Variants in PJA2 observed in about 807,000 individuals in gnomAD.
PJA2 encodes the protein praja ring finger ubiquitin ligase 2.
In PJA2, 25 loss-of-function variants were observed where a neutral mutation model predicts 69.3. The ratio of observed to expected loss-of-function variants is 0.36; its 90% CI spans 0.26 to 0.50. The LOEUF (loss-of-function observed/expected upper bound fraction) is 0.50, where lower values mean the gene tolerates loss of function less well. Among genes scored for constraint, PJA2 ranks in the 20% least tolerant of loss-of-function variants. PJA2 has a pLI of 0.96. For missense variants in PJA2, 809 were observed against 830.2 expected (o/e 0.97, Z 0.31); for synonymous variants, 308 against 277.8 (o/e 1.11, Z -1.08).
intron 1 of PJA2, among the ~76,000 whole-genome samples, chr5:109,404,895 G>A (rs1187840745): frequency 6.6e-6 from 1 of 152,198 alleles, no homozygotes; most frequent in Non-Finnish European, 1.5e-5. Context: ...AACAGAGAAG[G>A]ATATCTGCTT....
rs199909213 is a variant in PJA2, at chr5:109,379,221, A to G, written c.266T>C (p.Leu89Ser). 1.6e-5 allele frequency: 25 copies of G among 1,612,750 alleles called. No individual in the cohort carries two copies. In the East Asian group the frequency reaches 5.1e-4, roughly 33 times the overall value. The change falls in exon 4 of 10, where the codon TTA (leucine) becomes TCA (serine). Residue 89 changes from leucine to serine, a missense_variant. By Grantham distance (145) the Leu-to-Ser change is moderately radical. Transcript: ENST00000361189. ...SSPLDQVDSSLPSEPIFEKSE... is the reference protein window; with the variant it reads ...SSPLDQVDSSSPSEPIFEKSE... ...TTTTTCAAATATAGGTTCACTGGGT[A>G]AAGAAGAATCAACTTGATCCAAAGG...
At chr5:109,385,336 C>G (rs1211796105) in intron 1 of PJA2, among the ~76,000 whole-genome samples, 1 of 151,994 alleles carries the variant, frequency 6.6e-6, no homozygotes, top group African/African-American at 2.4e-5. Flanking sequence ...TAAGAAATGA[C>G]CAGATTCTGG....
At chr5:109,381,763 G>A (rs997826649) in intron 2 of PJA2, 60 bp from the exon 3 acceptor site, 17 of 1,452,166 alleles carry the variant, frequency 1.2e-5, no homozygotes, top group Non-Finnish European at 1.6e-5. Context: ...CTTGCAACCT[G>A]TTGGGGAAAA....
chr5:109,343,821 C>A (rs144788782), intron 9 of PJA2, among the ~76,000 whole-genome samples: 99 of 152,276 alleles, frequency 6.5e-4, no homozygotes, highest in African/African-American at 1.9e-3. Flanking sequence ...ATTGGCTGGG[C>A]GTGGTGGCTC....
chr5:109,355,795 G>C, intron 7 of PJA2, 120 bp downstream of exon 7: 1 of 626,352 alleles, frequency 1.6e-6, no homozygotes, highest in African/African-American at 1.8e-5. Flanking sequence ...TTCAATAACT[G>C]TTACTAAACT....
At chr5:109,377,254 T>C (rs534621875) in intron 4 of PJA2, among the ~76,000 whole-genome samples, 1 of 152,276 alleles carries the variant, frequency 6.6e-6, no homozygotes, top group South Asian at 2.1e-4. Context: ...ATGGTAAATT[T>C]CTTCCTTTAT....
intron 7 of PJA2, 41 bp from the exon 8 acceptor site, chr5:109,344,860 A>G: frequency 1.5e-6 from 2 of 1,317,196 alleles, no homozygotes; most frequent in Non-Finnish European, 1.1e-6. Context: ...GAAATACTTT[A>G]AAACAGTAAC....
At chr5:109,395,993 T>C in intron 1 of PJA2, among the ~76,000 whole-genome samples, 1 of 125,206 alleles carries the variant, frequency 8.0e-6, no homozygotes, top group Non-Finnish European at 1.7e-5. Flanking sequence ...AGAGCGAAAC[T>C]CTATCTCAAA....
rs761377296 is a variant in PJA2 at position 109,378,194 on chromosome 5, G to A, written c.1283+10C>T. On this transcript the variant is annotated intron_variant, in intron 4 of 9. Coordinates refer to ENST00000361189, the MANE Select transcript of PJA2 (RefSeq NM_014819.5). Reference sequence around the variant, plus strand: ...TACACAATCGGAAAAAGTACTGGATGTGACCTTACCTATCTTCATCTTTGT... The same window carrying A: ...TACACAATCGGAAAAAGTACTGGATATGACCTTACCTATCTTCATCTTTGT... 8 of 1,593,500 alleles carry A rather than the reference G, an allele frequency of 5.0e-6. No individual in the cohort carries two copies. Among genetic ancestry groups the A allele is most frequent in the East Asian group, 2.2e-5 (1 of 44,832 alleles).
chr5:109,365,300 A>G (rs781176875), intron 5 of PJA2, among the ~76,000 whole-genome samples: 1 of 152,238 alleles, frequency 6.6e-6, no homozygotes, highest in Non-Finnish European at 1.5e-5. Context: ...TAAGCAAAAC[A>G]AGGTAGAACT....
At chr5:109,363,111 C>G (rs1306253791) in intron 5 of PJA2, 89 bp from the exon 6 acceptor site, 1 of 1,095,164 alleles carries the variant, frequency 9.1e-7, no homozygotes, top group East Asian at 2.5e-5. Context: ...CAAGTGGATT[C>G]TGTTGAGTTC....
chr5:109,372,125 A>T (rs1410353927), intron 4 of PJA2, among the ~76,000 whole-genome samples: 1 of 152,208 alleles, frequency 6.6e-6, no homozygotes, highest in African/African-American at 2.4e-5. Flanking sequence ...TATTTTCTTA[A>T]TTTCCATTAA....
chr5:109,385,104 A>G (rs1477621649), intron 1 of PJA2, among the ~76,000 whole-genome samples: 2 of 152,194 alleles, frequency 1.3e-5, no homozygotes, highest in Non-Finnish European at 2.9e-5. Flanking sequence ...CATGAGCCAC[A>G]GTGCCTGGCT....
intron 7 of PJA2, among the ~76,000 whole-genome samples, chr5:109,352,339 C>T (rs878872691): frequency 3.9e-5 from 6 of 152,216 alleles, no homozygotes; most frequent in Admixed American, 3.3e-4. Context: ...AAAGTTATCT[C>T]CATATTGTAG....
intron 1 of PJA2, 27 bp from the exon 2 acceptor site, chr5:109,383,547 T>C (rs1048341755): frequency 1.2e-6 from 1 of 828,400 alleles, no homozygotes. Context: ...AATTGAACAA[T>C]ATATTAATAA....
intron 1 of PJA2, among the ~76,000 whole-genome samples, chr5:109,399,093 C>A (rs1747483616): frequency 6.6e-6 from 1 of 152,016 alleles, no homozygotes. Context: ...TGGCTGTAAT[C>A]CCAGCTGCTT....
chr5:109,339,454 A>G (rs1762003450), intron 9 of PJA2, among the ~76,000 whole-genome samples: 1 of 152,228 alleles, frequency 6.6e-6, no homozygotes, highest in Admixed American at 6.5e-5. Flanking sequence ...TAAAAAAGAA[A>G]TGAAAAGAAA....
chr5:109,342,389 C>G (rs1762085896), intron 9 of PJA2, among the ~76,000 whole-genome samples: 2 of 126,386 alleles, frequency 1.6e-5, no homozygotes, highest in African/African-American at 6.2e-5. Context: ...GGGGTCGGCC[C>G]CCTGCCCGGC....
chr5:109,369,755 G>A (rs564707720), intron 4 of PJA2, among the ~76,000 whole-genome samples: 1 of 152,294 alleles, frequency 6.6e-6, no homozygotes, highest in East Asian at 1.9e-4. Context: ...GTTCAGGCCG[G>A]GCATGGTGGC....
Sources: allele counts gnomAD v4.1 joint callset (sites outside exome capture counted in the v4.1 genomes callset), GRCh38; gene constraint gnomAD v4.1.1; transcripts MANE v1.5; gene names NCBI Gene and HGNC (gene_info 2026-07-23, HGNC 2026-07-21).